Variants in COL18A1 observed in about 807,000 individuals in gnomAD.
COL18A1 encodes the protein collagen type XVIII alpha 1 chain.
Under a neutral mutation model 168.0 loss-of-function variants are expected in COL18A1, and 133 were observed. The ratio of observed to expected loss-of-function variants is 0.79; its 90% CI spans 0.69 to 0.91. The LOEUF is 0.91. Ranked by LOEUF, COL18A1 falls within the 40% of genes least tolerant of loss-of-function variation. COL18A1 has a pLI of 0.00. For missense variants in COL18A1, 2,126 were observed against 1,925.4 expected, an observed-to-expected ratio of 1.10 and a Z score of -1.95; for synonymous variants, 949 against 809.0, an observed-to-expected ratio of 1.17 and a Z score of -2.94.
rs1194661155 is a variant in COL18A1, at chr21:45,498,538, T to C, written c.2683+877T>C. Reference sequence around the variant, plus strand: ...CAGAGGAGGCCGCCATACCTGCTCTTGCTGGGGCTGCACTCTGGGGTGGGA... The same window carrying C: ...CAGAGGAGGCCGCCATACCTGCTCTCGCTGGGGCTGCACTCTGGGGTGGGA... On this transcript the variant is annotated intron_variant, in intron 32 of 41. Transcript: ENST00000651438. The surrounding 1 kb of genome is among the most constrained non-coding windows in gnomAD (Gnocchi z 4.5). 1.4e-6 allele frequency: 1 copy of C among 716,698 alleles called. No homozygotes were observed. Among genetic ancestry groups the C allele is most frequent in the South Asian group, 1.5e-5 (1 of 67,570 alleles). The allele number at this position is 716,698 out of a possible 1,614,324, so 44.4% of individuals were successfully genotyped here.
Position 45,509,483 on chromosome 21 carries a change from C to T in COL18A1, c.3377C>T (p.Pro1126Leu), listed in dbSNP as rs1022303980. 2.6e-6 allele frequency: 4 copies of T among 1,527,606 alleles called. No homozygotes were observed. The highest frequency in any genetic ancestry group is 2.4e-5 in the East Asian group (1 of 41,544). 94.6% of individuals were successfully genotyped at this position (1,527,606 alleles called of 1,614,324 possible). Residue 1126 changes from proline (P) to leucine (L), a missense_variant, in exon 39 of 42, where the codon CCT becomes CTT. By Grantham distance (98) the Pro-to-Leu change is moderately conservative (BLOSUM62 -3). Transcript: ENST00000651438. ...WRADDILASP[P>L]RLPEPQPYPG... Reference sequence around the variant, plus strand: ...GCAGATGACATCCTGGCCAGCCCCCCTCGCCTGCCCGAGCCCCAGCCCTAC... The same window carrying T: ...GCAGATGACATCCTGGCCAGCCCCCTTCGCCTGCCCGAGCCCCAGCCCTAC...
rs753850396 is a variant in COL18A1 at position 45,479,940 on chromosome 21, G to T, written c.1287G>T (p.Gly429=). The T allele has an allele frequency of 6.2e-7, 1 of 1,613,854 alleles. No homozygotes were observed. Among genetic ancestry groups the T allele is most frequent in the South Asian group, 1.1e-5 (1 of 91,080 alleles). ...CACAAGGCTTCCCCGGGACTCCAGG[G>T]GACGTAGGTCCCAAGGGCGACAAGG... ...TGPQGFPGTP[G]DVGPKGDKGD... The change falls in exon 10 of 42, where the codon GGG becomes GGT. Residue 429 remains glycine, a synonymous_variant. Transcript: ENST00000651438.
rs768654276 is a variant in COL18A1, at chr21:45,492,536, G to A, written c.2159G>A (p.Gly720Glu). 1.2e-6 allele frequency: 2 copies of A among 1,613,240 alleles called. No homozygotes were observed. The highest frequency in any genetic ancestry group is 8.5e-7 in the Non-Finnish European group (1 of 1,180,010). Residue 720 changes from glycine to glutamate, a missense_variant and splice_region_variant, in exon 23 of 42, where the codon GGA becomes GAA. Transcript: ENST00000651438. ...ATTTTTCCTTTTGCTCGTGGACAGG[G>A]ATCCGTCCTGAGCGTGCCGGGACCT... ...GPVVYVSEQDGSVLSVPGPEG... is the reference protein window; with the variant it reads ...GPVVYVSEQDESVLSVPGPEG...
At chr21:45,411,368 C>T (rs2033283731) in intron 2 of COL18A1, among the ~76,000 whole-genome samples, 1 of 152,152 alleles carries the variant, frequency 6.6e-6, no homozygotes, top group South Asian at 2.1e-4. Context: ...GGCGAGGCCC[C>T]CGCCAGCTGC....
chr21:45,505,178 A>G lies in COL18A1; in HGVS notation c.2913A>G (p.Gly971=), dbSNP rs2037117274. The change falls in exon 35 of 42, where the codon GGA becomes GGG. Residue 971 remains glycine (G), a synonymous_variant. Transcript: ENST00000651438. Reference sequence around the variant, plus strand: ...TCCGGGGCCAGCCCGGCCCACCTGGACCTCAGGGACCCCCCGGCATCGGCT... The same window carrying G: ...TCCGGGGCCAGCCCGGCCCACCTGGGCCTCAGGGACCCCCCGGCATCGGCT... ...ESIRGQPGPP[G]PQGPPGIGYE... 3 of 1,606,234 alleles carry G rather than the reference A, an allele frequency of 1.9e-6. No homozygotes were observed. Among genetic ancestry groups the G allele is most frequent in the East Asian group, 4.5e-5 (2 of 44,580 alleles).
At chr21:45,495,999 C>G (rs1428937573) in intron 29 of COL18A1, 4 of 346,174 alleles carry the variant, frequency 1.2e-5, no homozygotes, top group Non-Finnish European at 2.3e-5. Context: ...CATATATGCA[C>G]ACATGTGCAC....
chr21:45,509,426 A>AGCACCC lies in COL18A1; in HGVS notation c.3321_3326dup (p.His1110_Pro1111dup). ...GACAGCAACCCCTACCCGCGGCGGGAGCACCCCCACCCCACCGCGCGGCCC... is the reference window on the plus strand; with the variant it reads ...GACAGCAACCCCTACCCGCGGCGGGAGCACCCGCACCCCCACCCCACCGCGCGGCCC... On this transcript the variant is annotated inframe_insertion, in exon 39 of 42. Coordinates refer to ENST00000651438, the MANE Select transcript of COL18A1 (RefSeq NM_001379500.1). 6.5e-7 allele frequency: 1 copy of AGCACCC among 1,535,354 alleles called. No individual in the cohort carries two copies. Among genetic ancestry groups the AGCACCC allele is most frequent in the Non-Finnish European group, 8.8e-7 (1 of 1,141,760 alleles).
chr21:45,494,775 A>G (rs2036474803), intron 27 of COL18A1, 87 bp from the exon 28 acceptor site: 1 of 1,331,200 alleles, frequency 7.5e-7, no homozygotes, highest in Non-Finnish European at 1.1e-6. Context: ...TGTGCTCTGC[A>G]TGGCCCCTCC....
At chr21:45,440,991 C>A (rs60375909) in intron 2 of COL18A1, among the ~76,000 whole-genome samples, 3 of 152,146 alleles carry the variant, frequency 2.0e-5, no homozygotes, top group Non-Finnish European at 4.4e-5. Context: ...CAGCAGTTCT[C>A]TCGCTGTGCC....
intron 40 of COL18A1, 139 bp from the exon 41 acceptor site, chr21:45,510,972 A>T (rs1224140605): frequency 8.7e-4 from 7 of 8,014 alleles, no homozygotes; most frequent in South Asian, 1.3e-3. Context: ...TACACCCCCA[A>T]ACACCCCCCA....
At position 45,455,665 on chromosome 21, in the gene COL18A1, C is replaced by T. The variant is rs368696106; in HGVS notation, c.107-12577C>T. 3.3e-5 allele frequency: 53 copies of T among 1,613,842 alleles called. No individual in the cohort carries two copies. The African/African-American group carries it at 5.3e-4, about 16-fold the overall frequency. On this transcript the variant is annotated intron_variant, in intron 2 of 41. Coordinates refer to ENST00000651438, the MANE Select transcript of COL18A1 (RefSeq NM_001379500.1). ...ACACCAGCCATGCAGCTACCACGAT[C>T]CCTGAGCCCCAGGGGCCCCTGCCTG... is the stretch of plus-strand genomic sequence containing the variant.
chr21:45,473,818 T>G lies in COL18A1; in HGVS notation c.652-77T>G. ...CCTGCCCTTTGTGGGCCCCCCGAAA[T>G]CTGGAGCTCAAGCAGCACCGGGGTT... On this transcript the variant is annotated intron_variant, in intron 3 of 41. Transcript: ENST00000651438. This position sits in a 1 kb window ranked among gnomAD's most constrained non-coding sequence, Gnocchi z 4.0. 1 of 1,247,678 alleles carries G rather than the reference T, an allele frequency of 8.0e-7. No homozygotes were observed. Among genetic ancestry groups the G allele is most frequent in the Non-Finnish European group, 1.1e-6 (1 of 873,916 alleles). The allele number at this position is 1,247,678 out of a possible 1,614,324, so 77.3% of individuals were successfully genotyped here.
chr21:45,426,956 C>T (rs141042571), intron 2 of COL18A1, among the ~76,000 whole-genome samples: 96 of 152,304 alleles, frequency 6.3e-4, no homozygotes, highest in African/African-American at 2.1e-3. Context: ...CAGGTGCTCT[C>T]AGGACGCAGG....
chr21:45,468,096 A>C, intron 2 of COL18A1, 146 bp from the exon 3 acceptor site: 1 of 817,584 alleles, frequency 1.2e-6, no homozygotes. Context: ...AGCCCAGGGG[A>C]TCAGGGCAGG....
At chr21:45,511,418 G>GT (rs2037601662) in intron 41 of COL18A1, among the ~76,000 whole-genome samples, 192 bp downstream of exon 41, 1 of 152,148 alleles carries the variant, frequency 6.6e-6, no homozygotes, top group Non-Finnish European at 1.5e-5. Context: ...TTAGCAATGC[G>GT]TTTGAGAGCC....
Position 45,487,316 on chromosome 21 carries a change from GAAC to G in COL18A1, c.1834-130_1834-128del. The G allele has an allele frequency of 4.6e-6, 5 of 1,080,068 alleles. No individual in the cohort carries two copies. In the Admixed American group the frequency reaches 9.8e-5, roughly 21 times the overall value. The allele number at this position is 1,080,068 out of a possible 1,614,324, so 66.9% of individuals were successfully genotyped here. A position where few individuals can be genotyped will look rare whatever the true frequency, so the allele number is the denominator to read the frequency against. ...CACCAGGTAGACAGTCCCCATCTGA[GAAC>G]GGCGGCTCCCCAGGCCACCGTGGCC... On this transcript the variant is annotated intron_variant, in intron 16 of 41. Transcript: ENST00000651438.
chr21:45,430,101 G>A (rs115080577), intron 2 of COL18A1, among the ~76,000 whole-genome samples: 78 of 142,014 alleles, frequency 5.5e-4, no homozygotes, highest in African/African-American at 8.5e-4. Context: ...TCTCCCTAGC[G>A]CCCTCTCGTT....
chr21:45,456,733 G>GC, intron 2 of COL18A1: 2 of 1,515,782 alleles, frequency 1.3e-6, no homozygotes, highest in Non-Finnish European at 1.8e-6. Context: ...GCAGCGTCCC[G>GC]CCGCCCGCCC....
intron 2 of COL18A1, among the ~76,000 whole-genome samples, chr21:45,439,803 G>A (rs9980531): frequency 0.21 from 32,376 of 150,792 alleles, 3,412 homozygotes; most frequent in East Asian, 0.25. Context: ...AAGATGCTCG[G>A]GAAATGCCGC....
Sources: allele counts gnomAD v4.1 joint callset (sites outside exome capture counted in the v4.1 genomes callset), GRCh38; gene constraint gnomAD v4.1.1; non-coding constraint Gnocchi (gnomAD v3.1); transcripts MANE v1.5; gene names NCBI Gene and HGNC (gene_info 2026-07-23, HGNC 2026-07-21).